WAPL: variants seen among roughly 807,000 people sequenced by gnomAD.
WAPL encodes the protein WAPL cohesin release factor.
In WAPL, 5 loss-of-function variants were observed where a neutral mutation model predicts 121.0. The ratio of observed to expected loss-of-function variants is 0.04; its 90% CI spans 0.02 to 0.09. The LOEUF (loss-of-function observed/expected upper bound fraction) is 0.09. WAPL is among the 10% of genes least tolerant of loss of function. The pLI, the probability that WAPL is intolerant of heterozygous loss-of-function variation, is 1.00. For synonymous variants in WAPL, 480 were observed against 481.5 expected (o/e 1.00, Z 0.04); for missense variants, 999 against 1,410.8 (o/e 0.71, Z 4.68).
intron 4 of WAPL, among the ~76,000 whole-genome samples, chr10:86,491,599 T>A (rs1268988321): frequency 1.3e-5 from 2 of 151,994 alleles, no homozygotes; most frequent in Non-Finnish European, 2.9e-5. Context: ...AAACAGGGAA[T>A]CTATAAGATG....
intron 17 of WAPL, among the ~76,000 whole-genome samples, chr10:86,442,821 C>T (rs566398735): frequency 2.5e-4 from 38 of 152,190 alleles, no homozygotes; most frequent in Admixed American, 2.2e-3. Context: ...AGGCGGATCA[C>T]GAGGTCAGGA....
chr10:86,453,280 G>A lies in WAPL; in HGVS notation c.2889C>T (p.Asn963=). 1 of 1,614,144 alleles carries A rather than the reference G, an allele frequency of 6.2e-7. No homozygotes were observed. Residue 963 remains asparagine, a synonymous_variant, in exon 14 of 19, where the codon AAC becomes AAT. Coordinates refer to ENST00000298767, the MANE Select transcript of WAPL (RefSeq NM_015045.5). ...GGTACTTTGGAACCTGAAGCACACA[G>A]TTCAGCGCTGTGCCTATGAGACCGT... ...EQDGLIGTAL[N]CVLQVPKYLP...
chr10:86,501,273 T>A (rs562542815), intron 2 of WAPL, among the ~76,000 whole-genome samples: 1 of 152,192 alleles, frequency 6.6e-6, no homozygotes, highest in African/African-American at 2.4e-5. Flanking sequence ...CTAAATGCCA[T>A]ATAATCTCAA....
chr10:86,473,078 A>G (rs576653677), intron 5 of WAPL, among the ~76,000 whole-genome samples: 1 of 152,226 alleles, frequency 6.6e-6, no homozygotes, highest in Admixed American at 6.5e-5. Context: ...GCATGCAAAA[A>G]TAGCTTTCAT....
rs116703499 is a variant in WAPL, at chr10:86,499,434, A to T, written c.1525+284T>A. ...CTAGTGGATGCCTGAAACCAGGAAT[A>T]GTACACCAAAACCTGTATATACTAT... On this transcript the variant is annotated intron_variant, in intron 3 of 18. Coordinates refer to ENST00000298767, the MANE Select transcript of WAPL (RefSeq NM_015045.5). Among the ~76,000 whole-genome samples, 820 of 152,342 alleles carry T rather than the reference A, an allele frequency of 5.4e-3. 7 individuals are homozygous for T. The highest frequency in any genetic ancestry group is 0.019 in the African/African-American group (782 of 41,576).
At chr10:86,460,801 C>G (rs939529191) in intron 10 of WAPL, among the ~76,000 whole-genome samples, 6 of 152,066 alleles carry the variant, frequency 3.9e-5, no homozygotes, top group African/African-American at 1.4e-4. Context: ...GCAACCTCCA[C>G]CTCCCACATT....
At chr10:86,444,130 A>G (rs1366201609) in intron 16 of WAPL, 3 of 152,232 alleles carry the variant, frequency 2.0e-5, no homozygotes, top group Non-Finnish European at 4.4e-5. Context: ...CAGCATCATT[A>G]ATCACCAGGG....
chr10:86,495,159 G>T (rs576193778), intron 4 of WAPL, among the ~76,000 whole-genome samples: 1 of 152,146 alleles, frequency 6.6e-6, no homozygotes, highest in East Asian at 1.9e-4. Context: ...GCTATTTAAG[G>T]AATTTTTTAC....
chr10:86,438,924 T>C (rs1259502849), intron 17 of WAPL, among the ~76,000 whole-genome samples: 6 of 152,128 alleles, frequency 3.9e-5, no homozygotes, highest in Non-Finnish European at 7.4e-5. Flanking sequence ...CTTAAAAAAC[T>C]ATTTCATTAA....
intron 2 of WAPL, among the ~76,000 whole-genome samples, chr10:86,513,714 C>T (rs1015926144): frequency 7.2e-5 from 11 of 152,160 alleles, no homozygotes; most frequent in Non-Finnish European, 2.9e-5. Flanking sequence ...AAGAGATGCA[C>T]TTAAAAACGT....
chr10:86,490,694 T>C (rs530447028), intron 4 of WAPL, among the ~76,000 whole-genome samples: 1 of 152,290 alleles, frequency 6.6e-6, no homozygotes, highest in Non-Finnish European at 1.5e-5. Flanking sequence ...TATTTATTGC[T>C]CATATTATTG....
chr10:86,472,352 GA>G lies in WAPL; in HGVS notation c.1894-9del, dbSNP rs752011432. On this transcript the variant is annotated splice_polypyrimidine_tract_variant and intron_variant, in intron 6 of 18. Coordinates refer to ENST00000298767, the MANE Select transcript of WAPL (RefSeq NM_015045.5). This position sits in a 1 kb window ranked among gnomAD's most constrained non-coding sequence, Gnocchi z 4.2. Reference sequence around the variant, plus strand: ...CTGAACAACAGTATATAACTGCCAAGAAAAAAAAAGTTCACCCCTTTTTAAC... The same window carrying G: ...CTGAACAACAGTATATAACTGCCAAGAAAAAAAAGTTCACCCCTTTTTAAC... The G allele has an allele frequency of 2.9e-5, 45 of 1,575,662 alleles. No individual in the cohort carries two copies. In the Admixed American group the frequency reaches 3.4e-4, roughly 12 times the overall value.
At chr10:86,510,308 C>T (rs1842436593) in intron 2 of WAPL, among the ~76,000 whole-genome samples, 1 of 152,054 alleles carries the variant, frequency 6.6e-6, no homozygotes. Flanking sequence ...CTCCTGACCT[C>T]GTGATCCACC....
chr10:86,497,820 G>A (rs1050560978), intron 3 of WAPL, among the ~76,000 whole-genome samples: 1 of 152,198 alleles, frequency 6.6e-6, no homozygotes, highest in Non-Finnish European at 1.5e-5. Context: ...AGTTATCCTT[G>A]GCAAGAGATT....
chr10:86,515,122 T>C (rs1842530077), intron 2 of WAPL, among the ~76,000 whole-genome samples: 1 of 151,744 alleles, frequency 6.6e-6, no homozygotes, highest in Non-Finnish European at 1.5e-5. Context: ...TAGCAGGGCA[T>C]GGTGGCAGGT....
chr10:86,473,131 G>T (rs1005485008), intron 5 of WAPL, among the ~76,000 whole-genome samples: 5 of 152,152 alleles, frequency 3.3e-5, no homozygotes, highest in African/African-American at 1.2e-4. Context: ...AGAGTCAAAA[G>T]AATTTTAGTA....
chr10:86,517,923 G>A lies in WAPL; in HGVS notation c.147C>T (p.Pro49=). 1 of 1,614,052 alleles carries A rather than the reference G, an allele frequency of 6.2e-7. No individual in the cohort carries two copies. The highest frequency in any genetic ancestry group is 8.5e-7 in the Non-Finnish European group (1 of 1,179,996). Reference sequence around the variant, plus strand: ...TTTCTTGGATATCTGGTTTGAAATTGGGCCTCTTCTGCCCTAATTTAGCCA... The same window carrying A: ...TTTCTTGGATATCTGGTTTGAAATTAGGCCTCTTCTGCCCTAATTTAGCCA... ...TFMAKLGQKR[P]NFKPDIQEIP... The change falls in exon 2 of 19, where the codon CCC becomes CCT. Residue 49 remains proline, a synonymous_variant. Coordinates refer to ENST00000298767, the MANE Select transcript of WAPL (RefSeq NM_015045.5).
intron 7 of WAPL, among the ~76,000 whole-genome samples, chr10:86,471,949 C>T (rs933266732): frequency 2.1e-4 from 13 of 61,248 alleles, no homozygotes; most frequent in Admixed American, 8.2e-4. Flanking sequence ...GATGCTTTAG[C>T]GTAATTTTTT....
At chr10:86,443,220 C>T (rs1273757467) in intron 17 of WAPL, 55 bp downstream of exon 17, 6 of 1,377,986 alleles carry the variant, frequency 4.4e-6, no homozygotes, top group South Asian at 2.4e-5. Context: ...GGTATGAAGT[C>T]GTTACATTGG....
Sources: allele counts gnomAD v4.1 joint callset (sites outside exome capture counted in the v4.1 genomes callset), GRCh38; gene constraint gnomAD v4.1.1; non-coding constraint Gnocchi (gnomAD v3.1); transcripts MANE v1.5; gene names NCBI Gene and HGNC (gene_info 2026-07-23, HGNC 2026-07-21).